Variants in BORCS5 observed in about 807,000 individuals in gnomAD.
BORCS5 encodes BLOC-1-related complex subunit 5.
Under a neutral mutation model 22.1 loss-of-function variants are expected in BORCS5, and 17 were observed. The observed-to-expected ratio is 0.77, with a 90% CI of 0.53 to 1.15. The LOEUF (loss-of-function observed/expected upper bound fraction) is 1.15. Among genes scored for constraint, BORCS5 ranks in the 50% most tolerant of loss-of-function variants. The probability of loss-of-function intolerance (pLI) is 0.00; values close to 1 mark genes in which losing one functional copy is unlikely to be tolerated. For missense variants in BORCS5, 247 were observed against 253.2 expected (o/e 0.98, Z 0.17); for synonymous variants, 117 against 99.8 (o/e 1.17, Z -1.03).
At chr12:12,357,592 C>G (rs1863173284) in intron 1 of BORCS5, 83 bp downstream of exon 1, 7 of 1,431,058 alleles carry the variant, frequency 4.9e-6, no homozygotes, top group Non-Finnish European at 6.7e-6. Context: ...GGGTCAGGGA[C>G]TGCGGACGGG....
rs1338111651 is a variant in BORCS5, at chr12:12,357,222, G to A, written c.-230G>A. 1 of 1,477,208 alleles carries A rather than the reference G, an allele frequency of 6.8e-7. No homozygotes were observed. The highest frequency in any genetic ancestry group is 9.0e-7 in the Non-Finnish European group (1 of 1,116,022). 91.5% of individuals were successfully genotyped at this position (1,477,208 alleles called of 1,614,324 possible). On this transcript the variant is annotated 5_prime_UTR_variant, in exon 1 of 4. Transcript: ENST00000314565. ...GAAAGAAGGAGGGCTAGCCGCGTGC[G>A]TTCGCGCCGCGCCTCCTTGCGTTTC...
At position 12,373,528 on chromosome 12, in the gene BORCS5, A is replaced by G. The variant is rs961092452; in HGVS notation, c.202+12179A>G. 2.1e-4 allele frequency among the ~76,000 whole-genome samples: 32 copies of G among 152,336 alleles called. 1 individual carries two copies. Among genetic ancestry groups the G allele is most frequent in the Admixed American group, 2.1e-3 (32 of 15,298 alleles). On this transcript the variant is annotated intron_variant, in intron 2 of 3. Coordinates refer to ENST00000314565, the MANE Select transcript of BORCS5 (RefSeq NM_058169.6). Reference sequence around the variant, plus strand: ...TTTTCTAGTTGTTTATTATTGCATAATAGCAGTTAATCCTTCATGTGCAGA... The same window carrying G: ...TTTTCTAGTTGTTTATTATTGCATAGTAGCAGTTAATCCTTCATGTGCAGA...
intron 2 of BORCS5, among the ~76,000 whole-genome samples, chr12:12,414,730 G>A (rs1348001044): frequency 1.4e-4 from 18 of 130,230 alleles, no homozygotes; most frequent in Admixed American, 4.4e-4. Context: ...GCTGCCGGGC[G>A]GAGACGCTCC....
chr12:12,416,779 C>CTTTT (rs36106735), intron 2 of BORCS5, among the ~76,000 whole-genome samples: 6 of 112,216 alleles, frequency 5.3e-5, no homozygotes, highest in Non-Finnish European at 9.1e-5. Context: ...TTAATGTAAA[C>CTTTT]TTTTTTTTTT....
At chr12:12,359,502 C>T (rs1863227055) in intron 1 of BORCS5, among the ~76,000 whole-genome samples, 1 of 151,604 alleles carries the variant, frequency 6.6e-6, no homozygotes, top group Non-Finnish European at 1.5e-5. Context: ...GCTGGGATTA[C>T]AGGGACATGC....
At chr12:12,363,515 C>CATGA (rs1431295716) in intron 2 of BORCS5, among the ~76,000 whole-genome samples, 1 of 152,122 alleles carries the variant, frequency 6.6e-6, no homozygotes, top group African/African-American at 2.4e-5. Context: ...GCGGGTGGAT[C>CATGA]ATGAGGTCAG....
intron 2 of BORCS5, among the ~76,000 whole-genome samples, chr12:12,434,724 C>A (rs1250298033): frequency 6.6e-6 from 1 of 152,086 alleles, no homozygotes; most frequent in Non-Finnish European, 1.5e-5. Flanking sequence ...AAGGGGTTAT[C>A]ATTATATTTA....
At chr12:12,401,032 A>G (rs1011315277) in intron 2 of BORCS5, among the ~76,000 whole-genome samples, 21 of 152,188 alleles carry the variant, frequency 1.4e-4, no homozygotes, top group African/African-American at 4.1e-4. Context: ...TCAAATGAAT[A>G]TTTCACAGTG....
chr12:12,390,107 C>T (rs1239631923), intron 2 of BORCS5, among the ~76,000 whole-genome samples: 3 of 152,084 alleles, frequency 2.0e-5, no homozygotes, highest in Non-Finnish European at 4.4e-5. Flanking sequence ...CTTTTCATTC[C>T]TTTAATGATT....
At chr12:12,438,368 A>ACAC (rs1942601628) in intron 3 of BORCS5, among the ~76,000 whole-genome samples, 1 of 104,982 alleles carries the variant, frequency 9.5e-6, no homozygotes, top group Admixed American at 8.8e-5. Flanking sequence ...CTCAAAAAAA[A>ACAC]AAAAAAAAAA....
chr12:12,426,713 A>G (rs549780951), intron 2 of BORCS5, among the ~76,000 whole-genome samples: 1 of 152,266 alleles, frequency 6.6e-6, no homozygotes, highest in Non-Finnish European at 1.5e-5. Context: ...TAGAAGGGAC[A>G]TGATTATTAT....
At chr12:12,360,115 G>T (rs1247168951) in intron 1 of BORCS5, among the ~76,000 whole-genome samples, 1 of 152,138 alleles carries the variant, frequency 6.6e-6, no homozygotes, top group African/African-American at 2.4e-5. Context: ...CGTAATTCTA[G>T]CACTTTGGGA....
chr12:12,367,618 G>A (rs926210137), intron 2 of BORCS5, among the ~76,000 whole-genome samples: 2 of 152,228 alleles, frequency 1.3e-5, no homozygotes, highest in Non-Finnish European at 2.9e-5. Flanking sequence ...CATTGGGTTA[G>A]CCTTACTCAG....
intron 2 of BORCS5, among the ~76,000 whole-genome samples, chr12:12,414,865 C>G (rs1259706701): frequency 1.1e-4 from 17 of 149,868 alleles, no homozygotes; most frequent in African/African-American, 3.2e-4. Flanking sequence ...TCCTCACCTC[C>G]CAGACAGGGT....
intron 2 of BORCS5, among the ~76,000 whole-genome samples, chr12:12,385,460 T>A (rs1331118642): frequency 6.6e-6 from 1 of 151,342 alleles, no homozygotes. Flanking sequence ...GCAGGAAGGT[T>A]GGGAGAAGCC....
intron 2 of BORCS5, among the ~76,000 whole-genome samples, chr12:12,407,406 T>G (rs537288564): frequency 6.6e-6 from 1 of 151,158 alleles, no homozygotes; most frequent in Non-Finnish European, 1.5e-5. Flanking sequence ...TTTTTTGGCC[T>G]TCTTATTAGA....
intron 2 of BORCS5, among the ~76,000 whole-genome samples, chr12:12,398,759 T>C (rs542494536): frequency 6.6e-6 from 1 of 152,296 alleles, no homozygotes; most frequent in South Asian, 2.1e-4. Flanking sequence ...TTCCCAGATA[T>C]CTGTGCGATA....
chr12:12,403,064 C>CT lies in BORCS5; in HGVS notation c.203-32553dup, dbSNP rs527519657. 5.5e-3 allele frequency among the ~76,000 whole-genome samples: 797 copies of CT among 144,690 alleles called. 6 individuals are homozygous for CT. Among genetic ancestry groups the CT allele is most frequent in the African/African-American group, 0.015 (612 of 39,698 alleles). 94.9% of individuals were successfully genotyped at this position (144,690 alleles called of 152,430 possible). A position where few individuals can be genotyped will look rare whatever the true frequency, so the allele number is the denominator to read the frequency against. On this transcript the variant is annotated intron_variant, in intron 2 of 3. Transcript: ENST00000314565. ...TTTCGTTAATAATAACCACATTTCC[C>CT]TTTTTTTTTTTGCACAAAAGTGTTA...
rs1014350665 is a variant in BORCS5 at position 12,428,849 on chromosome 12, T to C, written c.203-6779T>C. Among the ~76,000 whole-genome samples, 8 of 152,334 alleles carry C rather than the reference T, an allele frequency of 5.3e-5. No individual in the cohort carries two copies. In the South Asian group the frequency reaches 1.5e-3, roughly 28 times the overall value. On this transcript the variant is annotated intron_variant, in intron 2 of 3. Transcript: ENST00000314565. ...TTGGGTATACATTTTTCCCCTACTT[T>C]TCTACATTTAAAAATTTTCATAATA...
Sources: gnomAD v4.1 joint callset for allele counts (sites outside exome capture counted in the v4.1 genomes callset) on GRCh38, gnomAD v4.1.1 for gene constraint, MANE v1.5 for transcripts, NCBI Gene and HGNC (gene_info 2026-07-23, HGNC 2026-07-21) for gene names.